UNC13C: variants seen among roughly 807,000 people sequenced by gnomAD.
UNC13C encodes protein unc-13 homolog C.
Under a neutral mutation model 245.4 loss-of-function variants are expected in UNC13C, and 174 were observed. That is an observed-to-expected ratio of 0.71 (90% CI 0.63 to 0.80). UNC13C has a LOEUF of 0.80. Ranked by LOEUF, UNC13C falls within the 30% of genes least tolerant of loss-of-function variation. UNC13C has a pLI of 0.00. For missense variants in UNC13C, 2,829 were observed against 2,602.9 expected (o/e 1.09, Z -1.89); for synonymous variants, 992 against 895.1 (o/e 1.11, Z -1.93).
At chr15:54,075,480 AGCCGGAGCTTGCAGTG>A (rs1566993474) in intron 2 of UNC13C, among the ~76,000 whole-genome samples, 3,076 of 130,112 alleles carry the variant, frequency 0.024, 273 homozygotes, top group African/African-American at 0.097. Context: ...GCTTGCAGTG[AGCCGGAGCTTGCAGTG>A]AGCCGAGATG....
the UNC13C span, among the ~76,000 whole-genome samples, chr15:53,934,908 G>A: frequency 5.6e-3 from 850 of 152,178 alleles, 8 homozygotes; most frequent in African/African-American, 0.02. Context: ...AACTTCCAAA[G>A]GTCCCACATC....
At chr15:54,086,254 T>A (rs1899232661) in intron 2 of UNC13C, among the ~76,000 whole-genome samples, 1 of 152,184 alleles carries the variant, frequency 6.6e-6, no homozygotes, top group Admixed American at 6.5e-5. Context: ...ACTTCTATTC[T>A]CTATTTCCGT....
chr15:54,561,482 A>G (rs1374132975), intron 29 of UNC13C, among the ~76,000 whole-genome samples: 1 of 151,806 alleles, frequency 6.6e-6, no homozygotes, highest in Non-Finnish European at 1.5e-5. Context: ...TTTTTTTTGG[A>G]GGAAGACTCA....
At position 54,014,122 on chromosome 15, in the gene UNC13C, G is replaced by C. The variant is rs2140992520; in HGVS notation, c.1219G>C (p.Asp407His). ...LKGTGIGISTDILTHDIRERK... is the reference protein window; with the variant it reads ...LKGTGIGISTHILTHDIRERK... ...AGGAACAGGCATTGGAATCTCAACAGATATTCTAACTCATGACATCAGAGA... is the reference window on the plus strand; with the variant it reads ...AGGAACAGGCATTGGAATCTCAACACATATTCTAACTCATGACATCAGAGA... Residue 407 changes from aspartate to histidine, a missense_variant, in exon 2 of 33, where the codon GAT (aspartate) becomes CAT (histidine). By Grantham distance (81) the Asp-to-His change is moderately conservative (BLOSUM62 -1). Transcript: ENST00000260323. 6.2e-7 allele frequency: 1 copy of C among 1,613,702 alleles called. No homozygotes were observed. The highest frequency in any genetic ancestry group is 1.1e-5 in the South Asian group (1 of 91,078).
chr15:54,502,334 G>C (rs1487940213), intron 22 of UNC13C, among the ~76,000 whole-genome samples: 1 of 152,128 alleles, frequency 6.6e-6, no homozygotes, highest in African/African-American at 2.4e-5. Flanking sequence ...CCAGAATATA[G>C]ATAAAGAAGC....
At chr15:53,974,324 A>G (rs536372089), upstream of UNC13C, among the ~76,000 whole-genome samples, 4 of 152,308 alleles carry the variant, frequency 2.6e-5, no homozygotes, top group Admixed American at 2.6e-4. Flanking sequence ...AATTGGCTAC[A>G]CAGGGACTCA....
chr15:54,489,035 T>A (rs473676), intron 19 of UNC13C, among the ~76,000 whole-genome samples: 88,887 of 151,942 alleles, frequency 0.59, 26,152 homozygotes, highest in East Asian at 0.79. Flanking sequence ...GAATTTGATA[T>A]GACAATATCT....
rs553721589 is a variant in UNC13C, at chr15:54,059,504, A to G, written c.2983+43618A>G. Among the ~76,000 whole-genome samples the G allele has an allele frequency of 2.6e-5, 4 of 152,356 alleles. No individual in the cohort carries two copies. In the East Asian group the frequency reaches 7.7e-4, roughly 29 times the overall value. ...GGAAGAACATTCCATGCTCATGGGT[A>G]GGAAGAATCAATATCGTGAAAATGG... On this transcript the variant is annotated intron_variant, in intron 2 of 32. Transcript: ENST00000260323.
chr15:54,218,583 A>G (rs2035115038), intron 4 of UNC13C, among the ~76,000 whole-genome samples: 1 of 151,920 alleles, frequency 6.6e-6, no homozygotes, highest in South Asian at 2.1e-4. Flanking sequence ...GTTGAAAGAG[A>G]TGAGCTATGA....
At chr15:54,329,165 TTGTACATATTTA>T (rs2038376001) in intron 14 of UNC13C, among the ~76,000 whole-genome samples, 1 of 151,362 alleles carries the variant, frequency 6.6e-6, no homozygotes, top group Non-Finnish European at 1.5e-5. Context: ...TACGTAATAG[TTGTACATATTTA>T]TGGGGTACAA....
chr15:54,528,382 CA>C (rs138327437), intron 25 of UNC13C, among the ~76,000 whole-genome samples: 5,594 of 146,922 alleles, frequency 0.038, 317 homozygotes, highest in African/African-American at 0.13. Context: ...ATTAAGTAAA[CA>C]AAAAAATTCA....
rs139700951 is a variant in UNC13C at position 54,083,615 on chromosome 15, G to A, written c.2984-59403G>A. On this transcript the variant is annotated intron_variant, in intron 2 of 32. Coordinates refer to ENST00000260323, the MANE Select transcript of UNC13C (RefSeq NM_001080534.3). The stretch of plus-strand genomic sequence containing the variant: ...TCTCTATCCCTCTTCCCAGCTGCTG[G>A]GTGCTGCCCCTTCCAGAGATTGGTG... Among the ~76,000 whole-genome samples, 20 of 152,226 alleles carry A rather than the reference G, an allele frequency of 1.3e-4. No homozygotes were observed. The East Asian group carries it at 3.5e-3, about 27-fold the overall frequency.
chr15:54,200,498 G>A (rs986227649), intron 4 of UNC13C, among the ~76,000 whole-genome samples: 1 of 151,686 alleles, frequency 6.6e-6, no homozygotes, highest in Non-Finnish European at 1.5e-5. Context: ...GAACCCAGTG[G>A]AATAAAATAA....
chr15:54,250,531 GTTGT>G, intron 8 of UNC13C, 87 bp downstream of exon 8: 1 of 1,294,670 alleles, frequency 7.7e-7, no homozygotes, highest in East Asian at 2.5e-5. Context: ...ACTCTTGCTG[GTTGT>G]CAAGAAATCC....
At chr15:53,915,723 G>A in the UNC13C span, among the ~76,000 whole-genome samples, 6 of 152,298 alleles carry the variant, frequency 3.9e-5, 1 homozygote, top group South Asian at 1.2e-3. Flanking sequence ...TAGCATATCA[G>A]CAAACATTTT....
intron 4 of UNC13C, among the ~76,000 whole-genome samples, chr15:54,153,155 G>A (rs2032598610): frequency 6.6e-6 from 1 of 151,958 alleles, no homozygotes; most frequent in South Asian, 2.1e-4. Context: ...TCAAAGAACT[G>A]CACTGTAATC....
At chr15:54,491,991 CA>C (rs111666689) in intron 19 of UNC13C, among the ~76,000 whole-genome samples, 90 of 134,116 alleles carry the variant, frequency 6.7e-4, no homozygotes, top group South Asian at 1.4e-3. Context: ...GACTCCATCT[CA>C]AAAAAAAAAA....
intron 17 of UNC13C, among the ~76,000 whole-genome samples, chr15:54,386,406 TA>T (rs1205172497): frequency 6.6e-6 from 1 of 152,132 alleles, no homozygotes; most frequent in Non-Finnish European, 1.5e-5. Flanking sequence ...AGCCTTATAA[TA>T]AAAAACATGG....
intron 19 of UNC13C, among the ~76,000 whole-genome samples, chr15:54,473,660 G>T (rs1892578340): frequency 6.6e-6 from 1 of 151,814 alleles, no homozygotes; most frequent in African/African-American, 2.4e-5. Context: ...GCAAGTGCAA[G>T]ATTTCCTTCC....
Sources: gnomAD v4.1 joint callset for allele counts (sites outside exome capture counted in the v4.1 genomes callset) on GRCh38, gnomAD v4.1.1 for gene constraint, MANE v1.5 for transcripts, NCBI Gene and HGNC (gene_info 2026-07-23, HGNC 2026-07-21) for gene names.